Variants in RBM46 observed in about 807,000 individuals in gnomAD.
RBM46 encodes the protein RNA binding motif protein 46.
RBM46 carries 12 observed loss-of-function variants against 43.3 expected under a neutral mutation model. The observed-to-expected ratio is 0.28, with a 90% CI of 0.18 to 0.45. The LOEUF (loss-of-function observed/expected upper bound fraction) is 0.45, where lower values mean the gene tolerates loss of function less well. Among genes scored for constraint, RBM46 ranks in the 20% least tolerant of loss-of-function variants. The pLI is 1.00. For synonymous variants in RBM46, 205 were observed against 207.6 expected (o/e 0.99, Z 0.11); for missense variants, 412 against 639.1 (o/e 0.64, Z 3.83).
At chr4:154,811,580 A>T (rs940029655) in intron 4 of RBM46, among the ~76,000 whole-genome samples, 1 of 152,082 alleles carries the variant, frequency 6.6e-6, no homozygotes, top group Non-Finnish European at 1.5e-5. Flanking sequence ...AGTTAAGACT[A>T]CATGTTAGAT....
chr4:154,785,069 T>C (rs1578884998), intron 1 of RBM46, among the ~76,000 whole-genome samples: 1 of 152,210 alleles, frequency 6.6e-6, no homozygotes, highest in East Asian at 1.9e-4. Context: ...ATATTTTGTT[T>C]TGGAGGCTTT....
chr4:154,793,136 C>T (rs12645853), intron 1 of RBM46, among the ~76,000 whole-genome samples: 4,714 of 152,264 alleles, frequency 0.031, 158 homozygotes, highest in East Asian at 0.18. Context: ...AATATATTTT[C>T]TACTTGCTCT....
At chr4:154,824,453 T>C (rs1282341631) in intron 4 of RBM46, among the ~76,000 whole-genome samples, 1 of 152,062 alleles carries the variant, frequency 6.6e-6, no homozygotes, top group Admixed American at 6.6e-5. Flanking sequence ...ACCCAGATAT[T>C]CATCATTAGG....
chr4:154,822,848 C>T (rs927938714), intron 4 of RBM46, among the ~76,000 whole-genome samples: 3 of 151,690 alleles, frequency 2.0e-5, no homozygotes, highest in African/African-American at 7.2e-5. Flanking sequence ...TCTTAGCTAC[C>T]TTGGAAAACA....
At chr4:154,798,376 T>G (rs1734450722) in intron 3 of RBM46, 98 bp downstream of exon 3, 1 of 703,888 alleles carries the variant, frequency 1.4e-6, no homozygotes. Context: ...TAATGTCACT[T>G]AAAGAAGAGT....
At chr4:154,811,842 G>A (rs1735197203) in intron 4 of RBM46, among the ~76,000 whole-genome samples, 1 of 151,798 alleles carries the variant, frequency 6.6e-6, no homozygotes, top group African/African-American at 2.4e-5. Context: ...TACAATGCCT[G>A]GCTAATTTTC....
chr4:154,789,607 T>C (rs1733973990), intron 1 of RBM46, among the ~76,000 whole-genome samples: 1 of 152,214 alleles, frequency 6.6e-6, no homozygotes, highest in Non-Finnish European at 1.5e-5. Flanking sequence ...TGCATCAGTG[T>C]TCATCAGGGA....
intron 4 of RBM46, among the ~76,000 whole-genome samples, chr4:154,805,581 T>A (rs1734869101): frequency 1.3e-5 from 2 of 152,080 alleles, no homozygotes; most frequent in African/African-American, 4.8e-5. Context: ...AAATTTGTTG[T>A]TGAAAGTTAC....
rs765006704 is a variant in RBM46 at position 154,796,878 on chromosome 4, A to G, written c.126A>G (p.Gln42=). The part of the protein sequence containing the change: ...TGYNMVQENG[Q]RKFGGPPPGW... ...ACAACATGGTTCAGGAAAATGGACA[A>G]AGGAAATTTGGCGGTCCTCCTCCAG... is the stretch of plus-strand genomic sequence containing the variant. Residue 42 remains glutamine (Q), a synonymous_variant, in exon 2 of 5, where the codon CAA becomes CAG. Coordinates refer to ENST00000281722, the MANE Select transcript of RBM46 (RefSeq NM_144979.5). The G allele has an allele frequency of 3.7e-6, 6 of 1,613,238 alleles. No individual in the cohort carries two copies. Among genetic ancestry groups the G allele is most frequent in the East Asian group, 2.2e-5 (1 of 44,870 alleles).
chr4:154,810,536 C>CT (rs1357811868), intron 4 of RBM46, among the ~76,000 whole-genome samples: 1 of 152,052 alleles, frequency 6.6e-6, no homozygotes, highest in African/African-American at 2.4e-5. Flanking sequence ...AGACTTTAGT[C>CT]TTTATCTTTG....
chr4:154,797,178 T>G (rs1734396900), intron 2 of RBM46, among the ~76,000 whole-genome samples: 1 of 152,188 alleles, frequency 6.6e-6, no homozygotes, highest in South Asian at 2.1e-4. Flanking sequence ...AAAAGGGTGC[T>G]ACTCTAGGTG....
chr4:154,820,750 G>A (rs897619797), intron 4 of RBM46, among the ~76,000 whole-genome samples: 3 of 151,638 alleles, frequency 2.0e-5, no homozygotes, highest in Non-Finnish European at 4.4e-5. Flanking sequence ...CTGAGAATAC[G>A]ACTCTCTTGT....
chr4:154,798,327 G>C, intron 3 of RBM46, 49 bp downstream of exon 3: 1 of 1,175,072 alleles, frequency 8.5e-7, no homozygotes. Context: ...CAAATATGGA[G>C]AGATGATAGT....
In RBM46 at chr4:154,822,320, C is replaced by T. The variant is rs552712601; in HGVS notation, c.1403-5548C>T. 6.6e-5 allele frequency among the ~76,000 whole-genome samples: 10 copies of T among 151,562 alleles called. No homozygotes were observed. In the South Asian group the frequency reaches 1.2e-3, roughly 19 times the overall value. ...GTTTGCATTTTCTAGAATTTCAACC[C>T]CTTGCTTTCGAAGGTTTAAATCGTA... On this transcript the variant is annotated intron_variant, in intron 4 of 4. Coordinates refer to ENST00000281722, the MANE Select transcript of RBM46 (RefSeq NM_144979.5).
At chr4:154,820,173 CTT>C (rs1177254898) in intron 4 of RBM46, among the ~76,000 whole-genome samples, 7 of 151,976 alleles carry the variant, frequency 4.6e-5, no homozygotes, top group African/African-American at 7.2e-5. Flanking sequence ...TCAAAATACT[CTT>C]CTCTTTGTTC....
intron 4 of RBM46, among the ~76,000 whole-genome samples, chr4:154,824,807 A>G (rs1446936264): frequency 6.6e-6 from 1 of 152,120 alleles, no homozygotes; most frequent in Non-Finnish European, 1.5e-5. Context: ...CTTAATGCAT[A>G]TTATATGAAG....
intron 1 of RBM46, chr4:154,790,551 C>G (rs1159082858): frequency 6.6e-6 from 1 of 152,062 alleles, no homozygotes; most frequent in Non-Finnish European, 1.5e-5. Context: ...ACCTGTTTTT[C>G]AAATGTAAAT....
At chr4:154,825,510 C>A (rs568947219) in intron 4 of RBM46, among the ~76,000 whole-genome samples, 5 of 152,156 alleles carry the variant, frequency 3.3e-5, no homozygotes, top group South Asian at 2.1e-4. Flanking sequence ...ACTTCTGAAA[C>A]CTTTTGTTTC....
chr4:154,827,803 T>A (rs1264904554), intron 4 of RBM46, 65 bp from the exon 5 acceptor site: 14 of 1,601,736 alleles, frequency 8.7e-6, no homozygotes, highest in African/African-American at 1.3e-5. Context: ...TAATGCTTTG[T>A]CTCTTTAAAT....
Sources: gnomAD v4.1 joint callset for allele counts (sites outside exome capture counted in the v4.1 genomes callset) on GRCh38, gnomAD v4.1.1 for gene constraint, MANE v1.5 for transcripts, NCBI Gene and HGNC (gene_info 2026-07-23, HGNC 2026-07-21) for gene names.